The following NUBPL variants were observed in gnomAD, a reference collection of about 807,000 sequenced individuals.
NUBPL encodes iron-sulfur cluster transfer protein NUBPL.
In NUBPL, 31 loss-of-function variants were observed where a neutral mutation model predicts 45.7. That is an observed-to-expected ratio of 0.68 (90% confidence interval 0.51 to 0.92). The LOEUF is 0.92. NUBPL is among the 40% of genes least tolerant of loss of function. NUBPL has a pLI of 0.00. For synonymous variants in NUBPL, 144 were observed against 140.9 expected, an observed-to-expected ratio of 1.02 and a Z score of -0.15; for missense variants, 401 against 398.7, an observed-to-expected ratio of 1.01 and a Z score of -0.05.
chr14:31,803,408 A>G (rs909251071), intron 7 of NUBPL, among the ~76,000 whole-genome samples: 32 of 152,142 alleles, frequency 2.1e-4, no homozygotes, highest in Non-Finnish European at 2.8e-4. Flanking sequence ...ACATTTGGCT[A>G]TTTTGGATTT....
At chr14:31,709,712 G>C (rs1464604348) in intron 6 of NUBPL, among the ~76,000 whole-genome samples, 1 of 152,200 alleles carries the variant, frequency 6.6e-6, no homozygotes, top group Non-Finnish European at 1.5e-5. Flanking sequence ...CTTTAAATCA[G>C]AGAGGGAGAA....
chr14:31,619,838 T>G (rs1373087986), intron 4 of NUBPL, among the ~76,000 whole-genome samples: 1 of 152,134 alleles, frequency 6.6e-6, no homozygotes, highest in African/African-American at 2.4e-5. Flanking sequence ...CCTGCCTTGC[T>G]CGGTTGGGGG....
chr14:31,772,874 C>G (rs562715057), intron 6 of NUBPL, among the ~76,000 whole-genome samples: 5 of 152,122 alleles, frequency 3.3e-5, no homozygotes, highest in East Asian at 3.9e-4. Flanking sequence ...TCTCCCACAC[C>G]CTTTTTTCTT....
At chr14:31,801,236 C>A (rs1158688727) in intron 7 of NUBPL, 1 of 152,278 alleles carries the variant, frequency 6.6e-6, no homozygotes, top group Non-Finnish European at 1.5e-5. Context: ...TTTTGTCCCT[C>A]CTGATAGTGG....
chr14:31,835,938 C>T (rs1225882205), intron 8 of NUBPL, among the ~76,000 whole-genome samples: 1 of 152,112 alleles, frequency 6.6e-6, no homozygotes, highest in Non-Finnish European at 1.5e-5. Flanking sequence ...GCTTTTAATG[C>T]TTGTAACAGG....
chr14:31,779,200 G>A (rs1241341537), intron 6 of NUBPL, among the ~76,000 whole-genome samples: 3 of 152,044 alleles, frequency 2.0e-5, no homozygotes, highest in Non-Finnish European at 4.4e-5. Context: ...AATTAGCTGG[G>A]CATGGTGGTG....
chr14:31,588,006 G>A (rs886067005), intron 3 of NUBPL, among the ~76,000 whole-genome samples: 1 of 152,108 alleles, frequency 6.6e-6, no homozygotes, highest in Non-Finnish European at 1.5e-5. Context: ...AAGAGGTCTT[G>A]GTGTACAGAA....
At chr14:31,836,414 A>G (rs1178936652) in intron 8 of NUBPL, among the ~76,000 whole-genome samples, 2 of 152,248 alleles carry the variant, frequency 1.3e-5, no homozygotes, top group East Asian at 3.8e-4. Flanking sequence ...TCTGTTTTCT[A>G]ATGTTTCTGC....
intron 6 of NUBPL, among the ~76,000 whole-genome samples, chr14:31,726,068 G>C (rs1268378051): frequency 6.6e-6 from 1 of 152,102 alleles, no homozygotes; most frequent in Non-Finnish European, 1.5e-5. Context: ...ACATTGCTTT[G>C]TACATAGGAG....
At chr14:31,602,352 C>T (rs2034460763) in intron 4 of NUBPL, among the ~76,000 whole-genome samples, 1 of 145,550 alleles carries the variant, frequency 6.9e-6, no homozygotes, top group Non-Finnish European at 1.5e-5. Context: ...AACTAACCTG[C>T]ACATTGTGCA....
At chr14:31,716,434 T>C (rs1595536486) in intron 6 of NUBPL, among the ~76,000 whole-genome samples, 1 of 152,196 alleles carries the variant, frequency 6.6e-6, no homozygotes, top group Admixed American at 6.5e-5. Context: ...ACCACACTTA[T>C]GAGTAATTTG....
chr14:31,721,418 C>T (rs984548791), intron 6 of NUBPL, among the ~76,000 whole-genome samples: 5 of 152,060 alleles, frequency 3.3e-5, no homozygotes, highest in African/African-American at 7.2e-5. Context: ...AGAGAACAAA[C>T]GTTGAGCTGG....
intron 4 of NUBPL, among the ~76,000 whole-genome samples, chr14:31,605,041 C>A (rs2034547452): frequency 6.6e-6 from 1 of 152,108 alleles, no homozygotes. Flanking sequence ...TAGAATAAAA[C>A]CTAAACGTCC....
intron 7 of NUBPL, among the ~76,000 whole-genome samples, chr14:31,819,326 AC>A: frequency 6.6e-6 from 1 of 152,368 alleles, no homozygotes; most frequent in Non-Finnish European, 1.5e-5. Flanking sequence ...AGCAGTGTGA[AC>A]ATTAAAAACA....
chr14:31,687,165 T>C (rs1232412290), intron 6 of NUBPL, among the ~76,000 whole-genome samples: 2 of 152,246 alleles, frequency 1.3e-5, no homozygotes, highest in Non-Finnish European at 2.9e-5. Context: ...ACTTTGAGTT[T>C]CCTGTATAAC....
chr14:31,628,410 A>T (rs1261876410), intron 4 of NUBPL, among the ~76,000 whole-genome samples: 2 of 152,184 alleles, frequency 1.3e-5, no homozygotes, highest in Non-Finnish European at 2.9e-5. Context: ...TTAAAATCAC[A>T]TTTGTTAATA....
At chr14:31,631,085 C>T (rs2035329925) in intron 4 of NUBPL, among the ~76,000 whole-genome samples, 1 of 152,182 alleles carries the variant, frequency 6.6e-6, no homozygotes, top group African/African-American at 2.4e-5. Context: ...AGCCTGGAAG[C>T]TGTCTCCAGG....
chr14:31,772,348 T>C (rs1228132312), intron 6 of NUBPL, among the ~76,000 whole-genome samples: 1 of 152,192 alleles, frequency 6.6e-6, no homozygotes, highest in Non-Finnish European at 1.5e-5. Flanking sequence ...TGTAATATAT[T>C]AGGCCTTTTT....
At chr14:31,646,492 G>T (rs990846967) in intron 4 of NUBPL, among the ~76,000 whole-genome samples, 13 of 152,060 alleles carry the variant, frequency 8.5e-5, no homozygotes, top group African/African-American at 3.1e-4. Context: ...TTGGCCATCA[G>T]GTTCTTTTTC....
Sources: allele counts gnomAD v4.1 joint callset (sites outside exome capture counted in the v4.1 genomes callset), GRCh38; gene constraint gnomAD v4.1.1; transcripts MANE v1.5; gene names NCBI Gene and HGNC (gene_info 2026-07-23, HGNC 2026-07-21).